The following RNF34 variants were observed in gnomAD, a reference collection of about 807,000 sequenced individuals.
RNF34 encodes E3 ubiquitin-protein ligase RNF34.
Under a neutral mutation model 37.9 loss-of-function variants are expected in RNF34, and 12 were observed. That is an observed-to-expected ratio of 0.32 (90% confidence interval 0.20 to 0.51). The LOEUF is 0.51. Among genes scored for constraint, RNF34 ranks in the 20% least tolerant of loss-of-function variants. RNF34 has a pLI of 0.97. For synonymous variants in RNF34, 155 were observed against 177.2 expected, an observed-to-expected ratio of 0.87 and a Z score of 1.00; for missense variants, 362 against 472.7, an observed-to-expected ratio of 0.77 and a Z score of 2.17.
At chr12:121,400,841 G>A (rs1194458816) in intron 1 of RNF34, among the ~76,000 whole-genome samples, 2 of 152,188 alleles carry the variant, frequency 1.3e-5, no homozygotes, top group African/African-American at 2.4e-5. Context: ...AGGTGGGAGT[G>A]AGAGCGTGGG....
chr12:121,419,677 C>A (rs1298371643), intron 3 of RNF34, among the ~76,000 whole-genome samples: 3 of 152,166 alleles, frequency 2.0e-5, no homozygotes, highest in Non-Finnish European at 4.4e-5. Context: ...ATAACCCAAA[C>A]TGAAGAGATT....
At chr12:121,418,223 A>G (rs1239054627) in intron 3 of RNF34, 10 of 317,258 alleles carry the variant, frequency 3.2e-5, no homozygotes, top group Non-Finnish European at 4.7e-5. Context: ...AAAGTAGCAC[A>G]TACACATTTG....
chr12:121,420,690 T>C lies in RNF34; in HGVS notation c.840T>C (p.Phe280=). 6.2e-7 allele frequency: 1 copy of C among 1,614,128 alleles called. No homozygotes were observed. Among genetic ancestry groups the C allele is most frequent in the Non-Finnish European group, 8.5e-7 (1 of 1,179,984 alleles). ...RQLKEILARN[F]VNYSGCCEKW... ...TGAAGGAAATTCTGGCTCGGAATTT[T>C]GTCAACTATTCTGGCTGTTGTGAAA... Residue 280 remains phenylalanine, a synonymous_variant, in exon 5 of 6, where the codon TTT becomes TTC. Transcript: ENST00000361234.
chr12:121,413,960 T>G (rs1257788661), intron 1 of RNF34, among the ~76,000 whole-genome samples: 4 of 152,214 alleles, frequency 2.6e-5, no homozygotes, highest in African/African-American at 9.7e-5. Context: ...CTTTGATACT[T>G]CAGACTGTTT....
intron 3 of RNF34, 186 bp downstream of exon 3, chr12:121,418,097 G>A (rs1593672215): frequency 1.5e-6 from 1 of 650,092 alleles, no homozygotes; most frequent in East Asian, 2.8e-5. Flanking sequence ...GAGGTGCTAG[G>A]TGGCTCCAAA....
intron 3 of RNF34, chr12:121,418,414 G>GT (rs1297984779): frequency 1.3e-5 from 2 of 154,552 alleles, no homozygotes; most frequent in African/African-American, 4.8e-5. Flanking sequence ...TATTGTCCCA[G>GT]TGAGGTCCTT....
intron 1 of RNF34, among the ~76,000 whole-genome samples, chr12:121,410,922 G>A (rs1555281301): frequency 6.6e-6 from 1 of 152,092 alleles, no homozygotes. Context: ...CACTTTGGAG[G>A]TTGGCTTGGG....
intron 1 of RNF34, among the ~76,000 whole-genome samples, chr12:121,412,180 G>C (rs1215417920): frequency 3.4e-5 from 5 of 147,010 alleles, no homozygotes; most frequent in African/African-American, 1.0e-4. Flanking sequence ...TCCTGCCTCA[G>C]CCTCCCGACT....
intron 5 of RNF34, among the ~76,000 whole-genome samples, chr12:121,421,921 G>A (rs1555283460): frequency 2.0e-5 from 3 of 152,128 alleles, no homozygotes; most frequent in Non-Finnish European, 4.4e-5. Flanking sequence ...TGATGAACAG[G>A]TTTATGCCCA....
At chr12:121,400,965 AGC>A (rs1293271735) in intron 1 of RNF34, among the ~76,000 whole-genome samples, 1 of 152,318 alleles carries the variant, frequency 6.6e-6, no homozygotes, top group East Asian at 1.9e-4. Flanking sequence ...CTTTGTGAAC[AGC>A]AGTCAGTTCA....
At chr12:121,420,864 T>C (rs1872066136) in intron 5 of RNF34, 86 bp downstream of exon 5, 3 of 1,001,046 alleles carry the variant, frequency 3.0e-6, no homozygotes, top group Admixed American at 2.0e-5. Flanking sequence ...TTAAGTCAAA[T>C]TTATTTTTGA....
At chr12:121,405,216 C>T (rs782305735) in intron 1 of RNF34, 2 of 152,208 alleles carry the variant, frequency 1.3e-5, no homozygotes, top group Admixed American at 6.6e-5. Context: ...GGGAGAAACA[C>T]TGTCAGTCTC....
At chr12:121,416,469 T>C in intron 2 of RNF34, 92 bp downstream of exon 2, 1 of 894,300 alleles carries the variant, frequency 1.1e-6, no homozygotes, top group South Asian at 1.5e-5. Flanking sequence ...TTCATTTCTG[T>C]TTATAAAAAT....
intron 1 of RNF34, chr12:121,404,856 G>C (rs1870371005): frequency 6.6e-6 from 1 of 152,198 alleles, no homozygotes; most frequent in Non-Finnish European, 1.5e-5. Context: ...CAGGGATTCT[G>C]AAAACATATT....
Position 121,402,873 on chromosome 12 carries a change from A to G in RNF34, c.6+2655A>G, listed in dbSNP as rs112607887. 76 of 1,186,022 alleles carry G rather than the reference A, an allele frequency of 6.4e-5. No individual in the cohort carries two copies. In the African/African-American group the frequency reaches 9.1e-4, roughly 14 times the overall value. 73.5% of individuals were successfully genotyped at this position (1,186,022 alleles called of 1,614,324 possible). On this transcript the variant is annotated intron_variant, in intron 1 of 5. Coordinates refer to ENST00000361234, the MANE Select transcript of RNF34 (RefSeq NM_025126.4). ...ATCAGTTTGGCCAATGTCTTGTCTA[A>G]AAGTATTACATTTTAGAGTTCATCA...
At chr12:121,421,689 G>A (rs1458200204) in intron 5 of RNF34, among the ~76,000 whole-genome samples, 1 of 151,846 alleles carries the variant, frequency 6.6e-6, no homozygotes, top group Non-Finnish European at 1.5e-5. Context: ...CTTTTTAATT[G>A]TAAAAAAAAT....
chr12:121,422,095 G>T (rs1872219585), intron 5 of RNF34, among the ~76,000 whole-genome samples: 1 of 152,166 alleles, frequency 6.6e-6, no homozygotes, highest in Non-Finnish European at 1.5e-5. Flanking sequence ...AATGTAAATA[G>T]CAACTATGTA....
intron 5 of RNF34, 87 bp downstream of exon 5, chr12:121,420,865 T>C: frequency 1.0e-6 from 1 of 996,806 alleles, no homozygotes; most frequent in South Asian, 1.4e-5. Context: ...TAAGTCAAAT[T>C]TATTTTTGAG....
chr12:121,414,595 A>C (rs1871385727), intron 1 of RNF34, among the ~76,000 whole-genome samples: 1 of 152,248 alleles, frequency 6.6e-6, no homozygotes, highest in Non-Finnish European at 1.5e-5. Context: ...TTGGAAGGTC[A>C]TGATGGTTAT....
Sources: gnomAD v4.1 joint callset for allele counts (sites outside exome capture counted in the v4.1 genomes callset) on GRCh38, gnomAD v4.1.1 for gene constraint, MANE v1.5 for transcripts, NCBI Gene and HGNC (gene_info 2026-07-23, HGNC 2026-07-21) for gene names.